LUZP2: variants seen among roughly 807,000 people sequenced by gnomAD.
The protein encoded by LUZP2 is leucine zipper protein 2.
LUZP2 carries 52 observed loss-of-function variants against 51.6 expected under a neutral mutation model. The observed-to-expected ratio is 1.01, with a 90% confidence interval of 0.81 to 1.27. The LOEUF is 1.27. Ranked by LOEUF, LUZP2 falls within the 50% of genes most tolerant of loss-of-function variation. LUZP2 has a pLI of 0.00. For missense variants in LUZP2, 436 were observed against 395.4 expected (o/e 1.10, Z -0.87); for synonymous variants, 154 against 137.3 (o/e 1.12, Z -0.85).
intron 5 of LUZP2, among the ~76,000 whole-genome samples, chr11:24,899,921 A>G (rs1274442036): frequency 6.6e-6 from 1 of 152,172 alleles, no homozygotes; most frequent in Non-Finnish European, 1.5e-5. Flanking sequence ...AGAAATTGGA[A>G]TTCTAATGAC....
chr11:24,916,136 C>G (rs891961035), intron 7 of LUZP2, among the ~76,000 whole-genome samples: 14 of 151,700 alleles, frequency 9.2e-5, no homozygotes, highest in Admixed American at 8.6e-4. Context: ...CTTATTAATG[C>G]TTGAGAGCTG....
At chr11:24,859,008 C>G (rs1486672) in intron 5 of LUZP2, among the ~76,000 whole-genome samples, 92,363 of 151,908 alleles carry the variant, frequency 0.61, 28,738 homozygotes, top group Middle Eastern at 0.7. Context: ...ACCTCCACTC[C>G]AAGCCCACAA....
chr11:25,036,532 T>TC (rs998837352), intron 9 of LUZP2, among the ~76,000 whole-genome samples: 1 of 151,816 alleles, frequency 6.6e-6, no homozygotes, highest in Non-Finnish European at 1.5e-5. Context: ...GTTTGTTCTT[T>TC]TTTTTTGTAA....
intron 5 of LUZP2, among the ~76,000 whole-genome samples, chr11:24,818,370 G>T (rs1280991122): frequency 6.6e-6 from 1 of 151,976 alleles, no homozygotes; most frequent in Non-Finnish European, 1.5e-5. Flanking sequence ...TTTTGTTTCT[G>T]TACCATAGCT....
At chr11:24,578,681 CAG>C (rs1168432318) in intron 1 of LUZP2, among the ~76,000 whole-genome samples, 1 of 152,034 alleles carries the variant, frequency 6.6e-6, no homozygotes. Context: ...AATGCAGAAA[CAG>C]AAAACCAAAT....
chr11:24,687,255 A>C (rs1856924870), intron 1 of LUZP2, among the ~76,000 whole-genome samples: 1 of 152,204 alleles, frequency 6.6e-6, no homozygotes, highest in South Asian at 2.1e-4. Flanking sequence ...AAAATAAAAA[A>C]AAAATTTGAA....
chr11:24,960,382 G>T lies in LUZP2; in HGVS notation c.523-16209G>T, dbSNP rs937134472. ...TTGGCTGTGAATCCATCTGGTCCTG[G>T]ACTCTTTTTGGTTGGTAAGCTATTG... On this transcript the variant is annotated intron_variant, in intron 7 of 11. Transcript: ENST00000336930. Among the ~76,000 whole-genome samples, 5 of 152,056 alleles carry T rather than the reference G, an allele frequency of 3.3e-5. 1 individual carries two copies. In the East Asian group the frequency reaches 5.8e-4, roughly 18 times the overall value.
chr11:24,689,408 T>G (rs988229995), intron 1 of LUZP2, among the ~76,000 whole-genome samples: 1 of 152,160 alleles, frequency 6.6e-6, no homozygotes, highest in Non-Finnish European at 1.5e-5. Context: ...TTAAACTCTG[T>G]TATTTTGTCT....
intron 4 of LUZP2, among the ~76,000 whole-genome samples, chr11:24,740,654 T>C (rs1001012603): frequency 8.5e-5 from 13 of 152,278 alleles, no homozygotes; most frequent in African/African-American, 2.9e-4. Context: ...TAAGGGGTTA[T>C]TCACATTAAA....
chr11:24,834,300 G>A (rs939075210), intron 5 of LUZP2, among the ~76,000 whole-genome samples: 3 of 151,872 alleles, frequency 2.0e-5, no homozygotes, highest in Non-Finnish European at 4.4e-5. Context: ...CTGTGTCCAC[G>A]TGTTCTCATT....
At chr11:25,032,642 A>G (rs920473687) in intron 9 of LUZP2, among the ~76,000 whole-genome samples, 2 of 152,136 alleles carry the variant, frequency 1.3e-5, no homozygotes, top group African/African-American at 4.8e-5. Flanking sequence ...GTGAAGGGAA[A>G]GGTGATTGCT....
At chr11:24,877,889 T>G (rs937884825) in intron 5 of LUZP2, among the ~76,000 whole-genome samples, 3 of 152,180 alleles carry the variant, frequency 2.0e-5, no homozygotes, top group Non-Finnish European at 4.4e-5. Flanking sequence ...CTTATTTTAC[T>G]TAATATAGTG....
In LUZP2 at chr11:24,926,177, T is replaced by C. The variant is rs901771557; in HGVS notation, c.522+11639T>C. Among the ~76,000 whole-genome samples, 6 of 150,114 alleles carry C rather than the reference T, an allele frequency of 4.0e-5. No homozygotes were observed. In the Admixed American group the frequency reaches 4.0e-4, roughly 10 times the overall value. ...TAAATCAATAAGTGCATAAAGGCAA[T>C]GTTATATATATGTGTATATATATAT... On this transcript the variant is annotated intron_variant, in intron 7 of 11. Coordinates refer to ENST00000336930, the MANE Select transcript of LUZP2 (RefSeq NM_001009909.4).
intron 1 of LUZP2, among the ~76,000 whole-genome samples, chr11:24,524,491 A>G (rs1850732764): frequency 6.6e-6 from 1 of 151,766 alleles, no homozygotes; most frequent in African/African-American, 2.4e-5. Context: ...TTCAGAGCTC[A>G]CATTTCTTAG....
intron 1 of LUZP2, among the ~76,000 whole-genome samples, chr11:24,643,242 G>A (rs1301420002): frequency 1.0e-5 from 1 of 98,592 alleles, no homozygotes; most frequent in Non-Finnish European, 1.9e-5. Context: ...AACCTCGTCT[G>A]TACTAAAAGT....
At chr11:24,660,557 T>C (rs1237291022) in intron 1 of LUZP2, among the ~76,000 whole-genome samples, 4 of 152,158 alleles carry the variant, frequency 2.6e-5, no homozygotes, top group Non-Finnish European at 5.9e-5. Context: ...ATTCTACCCA[T>C]GGATTGCTTG....
At chr11:24,949,877 C>T (rs1855026603) in intron 7 of LUZP2, among the ~76,000 whole-genome samples, 1 of 151,430 alleles carries the variant, frequency 6.6e-6, no homozygotes, top group Admixed American at 6.6e-5. Flanking sequence ...AAGGAGAAAT[C>T]AGCTTTTCTT....
At chr11:24,931,826 C>G (rs979253225) in intron 7 of LUZP2, among the ~76,000 whole-genome samples, 1 of 152,128 alleles carries the variant, frequency 6.6e-6, no homozygotes, top group African/African-American at 2.4e-5. Flanking sequence ...TGTCATATCA[C>G]TGGAATTGTT....
intron 1 of LUZP2, among the ~76,000 whole-genome samples, chr11:24,617,591 T>C (rs35065866): frequency 0.35 from 53,927 of 151,974 alleles, 9,724 homozygotes; most frequent in Middle Eastern, 0.42. Flanking sequence ...GAAGCCAAGG[T>C]GGGCAGATTG....
Sources: allele counts gnomAD v4.1 joint callset (sites outside exome capture counted in the v4.1 genomes callset), GRCh38; gene constraint gnomAD v4.1.1; transcripts MANE v1.5; gene names NCBI Gene and HGNC (gene_info 2026-07-23, HGNC 2026-07-21).